FAF1: variants seen among roughly 807,000 people sequenced by gnomAD.
FAF1 encodes FAS-associated factor 1.
In FAF1, 25 loss-of-function variants were observed where a neutral mutation model predicts 92.5. The ratio of observed to expected loss-of-function variants is 0.27; its 90% CI spans 0.20 to 0.38. The LOEUF (loss-of-function observed/expected upper bound fraction) is 0.38. FAF1 is among the 10% of genes least tolerant of loss of function. FAF1 has a pLI of 1.00. For synonymous variants in FAF1, 234 were observed against 273.2 expected (o/e 0.86, Z 1.42); for missense variants, 636 against 793.3 (o/e 0.80, Z 2.38).
At chr1:50,529,712 A>G (rs1279470638) in intron 15 of FAF1, among the ~76,000 whole-genome samples, 2 of 152,148 alleles carry the variant, frequency 1.3e-5, no homozygotes, top group Non-Finnish European at 2.9e-5. Context: ...CACCCTGGCT[A>G]GTTGCTCCCT....
chr1:50,954,243 C>T (rs1168160454), intron 1 of FAF1, among the ~76,000 whole-genome samples: 1 of 152,204 alleles, frequency 6.6e-6, no homozygotes, highest in South Asian at 2.1e-4. Flanking sequence ...ACTTTTCTAG[C>T]AAGGCAGATA....
chr1:50,644,839 C>G (rs1654512078), intron 8 of FAF1, among the ~76,000 whole-genome samples: 1 of 152,222 alleles, frequency 6.6e-6, no homozygotes, highest in South Asian at 2.1e-4. Flanking sequence ...TTTTAATAAA[C>G]TGAAATCAAG....
intron 2 of FAF1, among the ~76,000 whole-genome samples, chr1:50,807,162 G>A (rs1047298608): frequency 2.0e-5 from 3 of 152,186 alleles, no homozygotes; most frequent in Non-Finnish European, 2.9e-5. Context: ...AAATAATACA[G>A]GAGATAAAAG....
intron 3 of FAF1, among the ~76,000 whole-genome samples, chr1:50,801,334 T>C (rs1256065215): frequency 2.6e-5 from 4 of 152,196 alleles, no homozygotes; most frequent in African/African-American, 7.2e-5. Flanking sequence ...GTGCTAATAG[T>C]TTAAAAAATT....
intron 2 of FAF1, among the ~76,000 whole-genome samples, chr1:50,854,828 C>A (rs889294342): frequency 6.6e-6 from 1 of 151,564 alleles, no homozygotes. Context: ...TTTGAGCATC[C>A]CTAATCCAAA....
Position 50,626,637 on chromosome 1 carries a change from TAGTCATATTA to T in FAF1, c.744+28795_744+28804del, listed in dbSNP as rs568839728. On this transcript the variant is annotated intron_variant, in intron 8 of 18. Coordinates refer to ENST00000396153, the MANE Select transcript of FAF1 (RefSeq NM_007051.3). ...AGAATCAGACTATGCAGTGCCTGGT[TAGTCATATTA>T]AGGGGTCCGGTCTTTACATGGGAAG... Among the ~76,000 whole-genome samples the T allele has an allele frequency of 1.5e-3, 227 of 152,246 alleles. 1 individual carries two copies. The highest frequency in any genetic ancestry group is 7.2e-3 in the South Asian group (35 of 4,828).
chr1:50,683,789 G>A (rs960366791), intron 7 of FAF1, among the ~76,000 whole-genome samples: 15 of 151,774 alleles, frequency 9.9e-5, no homozygotes, highest in Non-Finnish European at 1.5e-4. Flanking sequence ...AAAATTAGCC[G>A]GGTGTGGTGG....
chr1:50,586,548 T>A (rs902430855), intron 9 of FAF1, among the ~76,000 whole-genome samples: 1 of 152,230 alleles, frequency 6.6e-6, no homozygotes, highest in Non-Finnish European at 1.5e-5. Context: ...ATAGACAAGA[T>A]AATGAAGATA....
intron 2 of FAF1, among the ~76,000 whole-genome samples, chr1:50,804,847 T>C (rs1215107323): frequency 6.6e-6 from 1 of 152,200 alleles, no homozygotes; most frequent in Non-Finnish European, 1.5e-5. Context: ...CTCTTACCAA[T>C]TGCCTATTCA....
At chr1:50,608,164 G>A (rs1557432754) in intron 8 of FAF1, among the ~76,000 whole-genome samples, 1 of 152,210 alleles carries the variant, frequency 6.6e-6, no homozygotes, top group Non-Finnish European at 1.5e-5. Flanking sequence ...CTAGGAAAAG[G>A]GGGATAACTT....
intron 1 of FAF1, among the ~76,000 whole-genome samples, chr1:50,910,625 C>T (rs899554482): frequency 6.6e-6 from 1 of 151,942 alleles, no homozygotes; most frequent in African/African-American, 2.4e-5. Context: ...CCTTGCAGTT[C>T]GATCTCAGAC....
intron 15 of FAF1, among the ~76,000 whole-genome samples, chr1:50,513,264 G>A (rs1182261942): frequency 6.6e-6 from 1 of 152,170 alleles, no homozygotes; most frequent in African/African-American, 2.4e-5. Context: ...CAGATTGCTT[G>A]AGCCCAGGAG....
intron 7 of FAF1, among the ~76,000 whole-genome samples, chr1:50,676,441 A>G (rs1187110249): frequency 1.3e-5 from 2 of 151,818 alleles, no homozygotes; most frequent in East Asian, 3.9e-4. Flanking sequence ...AAATGAAACT[A>G]ATTTATTTGC....
At chr1:50,909,337 C>T (rs1644865393) in intron 1 of FAF1, among the ~76,000 whole-genome samples, 1 of 152,210 alleles carries the variant, frequency 6.6e-6, no homozygotes, top group East Asian at 1.9e-4. Flanking sequence ...TTTGGTGAAT[C>T]TGACAATTAT....
At position 50,811,458 on chromosome 1, in the gene FAF1, T is replaced by C. The variant is rs183367017; in HGVS notation, c.115-9781A>G. ...TACAAGAATGCAATTCCACTTACAA[T>C]AGCCACAAAGAAAATGAAATACCCT... On this transcript the variant is annotated intron_variant, in intron 2 of 18. Transcript: ENST00000396153. Among the ~76,000 whole-genome samples, 114 of 152,140 alleles carry C rather than the reference T, an allele frequency of 7.5e-4. 1 individual carries two copies. The East Asian group carries it at 0.015, about 20-fold the overall frequency.
intron 8 of FAF1, among the ~76,000 whole-genome samples, chr1:50,642,513 G>C (rs1335574737): frequency 5.3e-5 from 8 of 151,736 alleles, no homozygotes; most frequent in Non-Finnish European, 1.2e-4. Flanking sequence ...GCCAGGCGTA[G>C]GGGCATATGC....
At chr1:50,464,073 C>T (rs914328513) in intron 18 of FAF1, among the ~76,000 whole-genome samples, 3 of 152,146 alleles carry the variant, frequency 2.0e-5, no homozygotes, top group Non-Finnish European at 4.4e-5. Context: ...TATTCTTTCC[C>T]AGCACAAGGT....
At chr1:50,642,830 TTC>T (rs1233527232) in intron 8 of FAF1, among the ~76,000 whole-genome samples, 1 of 152,114 alleles carries the variant, frequency 6.6e-6, no homozygotes, top group Admixed American at 6.5e-5. Context: ...TTCCCTTTTT[TTC>T]TGTTTTCTTT....
chr1:50,826,107 CA>C (rs148404966), intron 2 of FAF1, among the ~76,000 whole-genome samples: 1,980 of 151,742 alleles, frequency 0.013, 42 homozygotes, highest in African/African-American at 0.044. Context: ...CAATAAATTA[CA>C]AAAATGAAAG....
Sources: gnomAD v4.1 joint callset for allele counts (sites outside exome capture counted in the v4.1 genomes callset) on GRCh38, gnomAD v4.1.1 for gene constraint, MANE v1.5 for transcripts, NCBI Gene and HGNC (gene_info 2026-07-23, HGNC 2026-07-21) for gene names.